Variants in RBP4 observed in about 807,000 individuals in gnomAD.
The protein encoded by RBP4 is retinol binding protein 4.
Under a neutral mutation model 26.2 loss-of-function variants are expected in RBP4, and 9 were observed. That is an observed-to-expected ratio of 0.34 (90% CI 0.21 to 0.60). The LOEUF (loss-of-function observed/expected upper bound fraction) is 0.60. RBP4 is among the 20% of genes least tolerant of loss of function. The pLI is 0.80. For missense variants in RBP4, 244 were observed against 271.3 expected (o/e 0.90, Z 0.71); for synonymous variants, 114 against 111.0 (o/e 1.03, Z -0.17).
chr10:93,600,628 T>A, intron 3 of RBP4, 39 bp downstream of exon 3: 1 of 1,612,460 alleles, frequency 6.2e-7, no homozygotes, highest in East Asian at 2.2e-5. Context: ...TGGGGAACCC[T>A]GGAGCGCAAA....
At chr10:93,601,089 C>T (rs1043497816) in intron 1 of RBP4, 43 bp from the exon 2 acceptor site, 2 of 1,586,962 alleles carry the variant, frequency 1.3e-6, no homozygotes, top group African/African-American at 1.3e-5. Flanking sequence ...AGCCGACCCC[C>T]GCCGCCGTAT....
chr10:93,595,460 T>C (rs918405102), intron 4 of RBP4, among the ~76,000 whole-genome samples: 1 of 152,174 alleles, frequency 6.6e-6, no homozygotes, highest in Non-Finnish European at 1.5e-5. Flanking sequence ...AGAACTGGGA[T>C]TCAAGCAAGG....
At chr10:93,599,334 C>T (rs1227367475) in intron 4 of RBP4, among the ~76,000 whole-genome samples, 1 of 152,026 alleles carries the variant, frequency 6.6e-6, no homozygotes, top group East Asian at 1.9e-4. Context: ...TAGAGGAAGT[C>T]CAAGAGGGTG....
At chr10:93,593,258 A>T (rs1227246954) in intron 5 of RBP4, among the ~76,000 whole-genome samples, 1 of 152,260 alleles carries the variant, frequency 6.6e-6, no homozygotes, top group Non-Finnish European at 1.5e-5. Flanking sequence ...AGATCAGACA[A>T]GGGTAATATC....
chr10:93,601,117 C>CCCCCCCCCCCCCCCCCA, intron 1 of RBP4, 54 bp downstream of exon 1: 2 of 1,522,090 alleles, frequency 1.3e-6, no homozygotes, highest in Non-Finnish European at 1.8e-6. Flanking sequence ...CACCCCACCC[C>CCCCCCCCCCCCCCCCCA]ACCCCACCCC....
chr10:93,594,527 C>A (rs76767084), intron 4 of RBP4, among the ~76,000 whole-genome samples: 7 of 152,194 alleles, frequency 4.6e-5, no homozygotes, highest in Admixed American at 4.6e-4. Context: ...GGCTGCCCCC[C>A]GCTCTCTCAG....
chr10:93,592,242 T>C (rs534561771), intron 5 of RBP4, 130 bp from the exon 6 acceptor site: 2 of 790,528 alleles, frequency 2.5e-6, no homozygotes, highest in African/African-American at 1.7e-5. Flanking sequence ...TCACAGCAGA[T>C]TGCAACCCTT....
chr10:93,598,233 C>T (rs191751179), intron 4 of RBP4, among the ~76,000 whole-genome samples: 12 of 152,352 alleles, frequency 7.9e-5, no homozygotes, highest in Middle Eastern at 3.4e-3. Flanking sequence ...AAGCAGCCAT[C>T]ATATCAAACA....
chr10:93,596,515 A>G (rs982937577), intron 4 of RBP4, among the ~76,000 whole-genome samples: 5 of 152,290 alleles, frequency 3.3e-5, no homozygotes, highest in African/African-American at 1.2e-4. Flanking sequence ...GCTCCTCTGG[A>G]GAACCAGACA....
chr10:93,597,996 G>A (rs74599191), intron 4 of RBP4, among the ~76,000 whole-genome samples: 13,097 of 152,232 alleles, frequency 0.086, 700 homozygotes, highest in African/African-American at 0.12. Context: ...TGCCATTTGC[G>A]AGATACTCAG....
At chr10:93,593,703 C>T (rs1350268278) in intron 5 of RBP4, 120 bp downstream of exon 5, 5 of 1,196,396 alleles carry the variant, frequency 4.2e-6, no homozygotes, top group African/African-American at 1.5e-5. Context: ...GAAAGGGGCT[C>T]CCAAGAACCC....
rs954275063 is a variant in RBP4 at position 93,601,218 on chromosome 10, G to T, written c.-66C>A. The T allele has an allele frequency of 2.3e-6, 3 of 1,298,896 alleles. No individual in the cohort carries two copies. The highest frequency in any genetic ancestry group is 2.9e-6 in the Non-Finnish European group (3 of 1,031,138). 80.5% of individuals were successfully genotyped at this position (1,298,896 alleles called of 1,614,324 possible). Reference sequence around the variant, plus strand: ...AAGCCTGGCCGCCGAGTCCGGGCGCGCGTGGAGCGAGGGAGGCGAGCGCGC... The same window carrying T: ...AAGCCTGGCCGCCGAGTCCGGGCGCTCGTGGAGCGAGGGAGGCGAGCGCGC... On this transcript the variant is annotated 5_prime_UTR_variant, in exon 1 of 6. Transcript: ENST00000371464.
At chr10:93,596,506 C>T (rs1365849333) in intron 4 of RBP4, among the ~76,000 whole-genome samples, 1 of 152,192 alleles carries the variant, frequency 6.6e-6, no homozygotes, top group Non-Finnish European at 1.5e-5. Context: ...CTGGGCAGGG[C>T]TCCTCTGGAG....
intron 5 of RBP4, among the ~76,000 whole-genome samples, chr10:93,593,423 G>C (rs1589683660): frequency 6.6e-6 from 1 of 152,168 alleles, no homozygotes; most frequent in African/African-American, 2.4e-5. Context: ...GCCCCCTGTG[G>C]AGTTTTTACG....
upstream of RBP4, chr10:93,601,268 C>A: frequency 3.3e-6 from 4 of 1,214,384 alleles, no homozygotes; most frequent in Non-Finnish European, 4.1e-6. Flanking sequence ...TGCTTTATAG[C>A]GCCGGGGGGA....
upstream of RBP4, chr10:93,601,519 C>A (rs2058339661): frequency 1.5e-6 from 1 of 669,918 alleles, no homozygotes; most frequent in South Asian, 2.0e-5. Context: ...CCGCCAGCTG[C>A]GGTCTAGGGT....
chr10:93,601,089 C>CTG, intron 1 of RBP4, 43 bp from the exon 2 acceptor site: 1 of 1,586,742 alleles, frequency 6.3e-7, no homozygotes, highest in Non-Finnish European at 8.5e-7. Context: ...AGCCGACCCC[C>CTG]GCCGCCGTAT....
upstream of RBP4, chr10:93,601,271 C>G (rs1341536312): frequency 1.6e-6 from 2 of 1,214,434 alleles, no homozygotes. Flanking sequence ...TTTATAGCGC[C>G]GGGGGGAGGG....
In RBP4 at chr10:93,592,139, A is replaced by G. The variant is rs745399445; in HGVS notation, c.569-27T>C. The G allele has an allele frequency of 2.5e-6, 4 of 1,612,918 alleles. No homozygotes were observed. In the African/African-American group the frequency reaches 4.0e-5, roughly 16 times the overall value. On this transcript the variant is annotated intron_variant, in intron 5 of 5. Transcript: ENST00000371464. The stretch of plus-strand genomic sequence containing the variant: ...TGGAAAATACAAAACAAAGCCATTA[A>G]CGACAGAAAGTGGACCCAGTTTTTA...
Sources: gnomAD v4.1 joint callset for allele counts (sites outside exome capture counted in the v4.1 genomes callset) on GRCh38, gnomAD v4.1.1 for gene constraint, MANE v1.5 for transcripts, NCBI Gene and HGNC (gene_info 2026-07-23, HGNC 2026-07-21) for gene names.